The following SLC44A1 variants were observed in gnomAD, a reference collection of about 807,000 sequenced individuals.
The protein encoded by SLC44A1 is choline transporter-like protein 1.
SLC44A1 carries 26 observed loss-of-function variants against 79.3 expected under a neutral mutation model. That is an observed-to-expected ratio of 0.33 (90% CI 0.24 to 0.46). The LOEUF (loss-of-function observed/expected upper bound fraction) is 0.46, where lower values mean the gene tolerates loss of function less well. SLC44A1 is among the 20% of genes least tolerant of loss of function. SLC44A1 has a pLI of 1.00. For synonymous variants in SLC44A1, 263 were observed against 286.2 expected (o/e 0.92, Z 0.82); for missense variants, 688 against 798.1 (o/e 0.86, Z 1.66).
chr9:105,290,253 A>G (rs1311258759), intron 1 of SLC44A1, among the ~76,000 whole-genome samples: 7 of 152,230 alleles, frequency 4.6e-5, no homozygotes, highest in African/African-American at 1.7e-4. Flanking sequence ...AACAGTCTGG[A>G]AACTGACTAT....
intron 4 of SLC44A1, among the ~76,000 whole-genome samples, chr9:105,346,017 A>G (rs1309611350): frequency 2.0e-5 from 3 of 151,482 alleles, no homozygotes; most frequent in Non-Finnish European, 4.4e-5. Flanking sequence ...AACACATACT[A>G]CCTTCAAAAT....
At chr9:105,312,866 A>T (rs1831217910) in intron 3 of SLC44A1, among the ~76,000 whole-genome samples, 1 of 152,018 alleles carries the variant, frequency 6.6e-6, no homozygotes, top group Non-Finnish European at 1.5e-5. Flanking sequence ...TCCATCCTTT[A>T]TACTGTGATA....
chr9:105,385,979 G>A, intron 15 of SLC44A1: 13 of 985,214 alleles, frequency 1.3e-5, no homozygotes, highest in Non-Finnish European at 1.6e-5. Context: ...CTTTTCCCTT[G>A]GCTGACTTTT....
At chr9:105,260,506 GC>G (rs1172788216) in intron 1 of SLC44A1, among the ~76,000 whole-genome samples, 1 of 152,140 alleles carries the variant, frequency 6.6e-6, no homozygotes, top group Non-Finnish European at 1.5e-5. Context: ...GAATCACTCA[GC>G]TCTGAAACTG....
intron 15 of SLC44A1, among the ~76,000 whole-genome samples, chr9:105,409,334 A>G (rs1829067213): frequency 6.6e-6 from 1 of 152,264 alleles, no homozygotes; most frequent in Non-Finnish European, 1.5e-5. Flanking sequence ...AATTGTTACT[A>G]GAGAGGACAT....
intron 15 of SLC44A1, among the ~76,000 whole-genome samples, chr9:105,387,060 A>AAAAAAAAAAATATAT (rs34780893): frequency 3.9e-4 from 3 of 7,714 alleles, no homozygotes; most frequent in Non-Finnish European, 7.1e-4. Flanking sequence ...AAAAAAAAAA[A>AAAAAAAAAAATATAT]ATATATATAT....
intron 4 of SLC44A1, among the ~76,000 whole-genome samples, chr9:105,338,335 C>T (rs1826985752): frequency 6.6e-6 from 1 of 152,146 alleles, no homozygotes; most frequent in Non-Finnish European, 1.5e-5. Context: ...CCAATATTAT[C>T]CTTATCACTG....
chr9:105,340,622 CTTATT>C (rs1827059163), intron 4 of SLC44A1, among the ~76,000 whole-genome samples: 1 of 152,032 alleles, frequency 6.6e-6, no homozygotes, highest in East Asian at 1.9e-4. Context: ...AATTTTATAC[CTTATT>C]TTAAGATGCA....
intron 5 of SLC44A1, 73 bp downstream of exon 5, chr9:105,348,524 T>C: frequency 1.1e-6 from 1 of 936,052 alleles, no homozygotes; most frequent in Non-Finnish European, 1.7e-6. Flanking sequence ...TATATGTTAT[T>C]CTGAGAAAAT....
intron 3 of SLC44A1, among the ~76,000 whole-genome samples, chr9:105,325,235 A>G (rs1048638848): frequency 2.0e-5 from 3 of 152,236 alleles, no homozygotes; most frequent in Admixed American, 6.5e-5. Context: ...GTTACACTAC[A>G]TAAAAGAAGC....
At position 105,394,493 on chromosome 9, in the gene SLC44A1, A is replaced by G. The variant is rs1024144889; in HGVS notation, c.*5437A>G. 2.1e-6 allele frequency: 2 copies of G among 956,636 alleles called. No individual in the cohort carries two copies. The highest frequency in any genetic ancestry group is 2.4e-6 in the Non-Finnish European group (2 of 819,174). The allele number at this position is 956,636 out of a possible 1,614,324, so 59.3% of individuals were successfully genotyped here. A position where few individuals can be genotyped will look rare whatever the true frequency, so the allele number is the denominator to read the frequency against. ...CGGTTATTTGGGGGCAAGGTACCAG[A>G]TTATTTGCAGTGAGCCAAAAAAAAA... is the stretch of plus-strand genomic sequence containing the variant. On this transcript the variant is annotated 3_prime_UTR_variant, in exon 16 of 16. Coordinates refer to ENST00000374720, the MANE Select transcript of SLC44A1 (RefSeq NM_080546.5).
At chr9:105,434,220 A>G (rs1242018041) in intron 15 of SLC44A1, among the ~76,000 whole-genome samples, 5 of 152,048 alleles carry the variant, frequency 3.3e-5, no homozygotes, top group African/African-American at 1.2e-4. Context: ...CATGCCCGTA[A>G]TCCCAGCTAC....
intron 1 of SLC44A1, among the ~76,000 whole-genome samples, chr9:105,286,873 A>G (rs990461229): frequency 6.6e-6 from 1 of 152,202 alleles, no homozygotes; most frequent in African/African-American, 2.4e-5. Context: ...CTAAGGTGGG[A>G]GGATTACTTG....
chr9:105,400,292 C>T (rs1389259517), downstream of SLC44A1, among the ~76,000 whole-genome samples: 2 of 151,944 alleles, frequency 1.3e-5, no homozygotes, highest in African/African-American at 4.8e-5. Context: ...AGATCGAGAC[C>T]GTCCTGGCCA....
At chr9:105,255,232 G>A (rs1214133140) in intron 1 of SLC44A1, among the ~76,000 whole-genome samples, 1 of 151,740 alleles carries the variant, frequency 6.6e-6, no homozygotes, top group Non-Finnish European at 1.5e-5. Flanking sequence ...ATAAACCAGT[G>A]TGTAAATATG....
intron 1 of SLC44A1, among the ~76,000 whole-genome samples, chr9:105,251,776 C>G (rs953888681): frequency 6.6e-6 from 1 of 152,178 alleles, no homozygotes; most frequent in Non-Finnish European, 1.5e-5. Context: ...CTTTAAGTTT[C>G]AGTCTGAAAG....
chr9:105,305,355 A>T (rs577961378), intron 2 of SLC44A1, among the ~76,000 whole-genome samples: 1 of 152,086 alleles, frequency 6.6e-6, no homozygotes, highest in South Asian at 2.1e-4. Context: ...AATCTGACAG[A>T]TTGATACAAG....
intron 12 of SLC44A1, among the ~76,000 whole-genome samples, chr9:105,367,841 A>G (rs1162026819): frequency 6.6e-6 from 1 of 152,168 alleles, no homozygotes; most frequent in East Asian, 1.9e-4. Flanking sequence ...AAATACTAAC[A>G]ACACTATATC....
At chr9:105,413,060 G>A (rs1368045175) in intron 15 of SLC44A1, among the ~76,000 whole-genome samples, 1 of 152,146 alleles carries the variant, frequency 6.6e-6, no homozygotes, top group Admixed American at 6.6e-5. Flanking sequence ...ATATCTAAAG[G>A]GATGTTGTAG....
Sources: gnomAD v4.1 joint callset for allele counts (sites outside exome capture counted in the v4.1 genomes callset) on GRCh38, gnomAD v4.1.1 for gene constraint, MANE v1.5 for transcripts, NCBI Gene and HGNC (gene_info 2026-07-23, HGNC 2026-07-21) for gene names.